ROBO1: variants seen among roughly 807,000 people sequenced by gnomAD.
ROBO1 encodes roundabout homolog 1.
ROBO1 carries 149 observed loss-of-function variants against 195.9 expected under a neutral mutation model. The observed-to-expected ratio is 0.76, with a 90% CI of 0.67 to 0.87. The LOEUF (loss-of-function observed/expected upper bound fraction) is 0.87. ROBO1 is among the 40% of genes least tolerant of loss of function. The pLI is 0.00. For synonymous variants in ROBO1, 816 were observed against 733.2 expected, an observed-to-expected ratio of 1.11 and a Z score of -1.82; for missense variants, 1,933 against 2,068.3, an observed-to-expected ratio of 0.93 and a Z score of 1.27.
intron 3 of ROBO1, among the ~76,000 whole-genome samples, chr3:79,080,836 A>T (rs949717819): frequency 5.9e-5 from 9 of 152,188 alleles, no homozygotes; most frequent in African/African-American, 1.4e-4. Flanking sequence ...TGTTTATTTA[A>T]ATATTCAACT....
At chr3:79,223,312 C>T (rs1212374169) in intron 2 of ROBO1, among the ~76,000 whole-genome samples, 2 of 152,068 alleles carry the variant, frequency 1.3e-5, no homozygotes, top group Non-Finnish European at 2.9e-5. Flanking sequence ...TCTACGTTCC[C>T]CTCTTTTTCT....
At chr3:78,866,456 T>C (rs2035186250) in intron 4 of ROBO1, among the ~76,000 whole-genome samples, 1 of 152,132 alleles carries the variant, frequency 6.6e-6, no homozygotes, top group African/African-American at 2.4e-5. Flanking sequence ...TTGCCTCTAT[T>C]TGCCAAATTT....
chr3:79,044,975 G>T (rs1389491641), intron 3 of ROBO1, among the ~76,000 whole-genome samples: 1 of 151,764 alleles, frequency 6.6e-6, no homozygotes, highest in Non-Finnish European at 1.5e-5. Context: ...TTGCACCCCT[G>T]GCTGAAACAT....
At chr3:78,841,704 T>G (rs531883220) in intron 4 of ROBO1, among the ~76,000 whole-genome samples, 53 of 152,130 alleles carry the variant, frequency 3.5e-4, no homozygotes, top group Admixed American at 1.4e-3. Flanking sequence ...AAAAGATAAA[T>G]GAGAAACAGA....
intron 2 of ROBO1, among the ~76,000 whole-genome samples, chr3:79,242,990 C>G (rs866663002): frequency 2.4e-5 from 3 of 127,550 alleles, no homozygotes; most frequent in South Asian, 2.9e-4. Flanking sequence ...CCCTCCCCCC[C>G]ACCCCACAAC....
At chr3:78,999,884 A>G (rs1487293246) in intron 3 of ROBO1, among the ~76,000 whole-genome samples, 2 of 152,094 alleles carry the variant, frequency 1.3e-5, no homozygotes, top group Admixed American at 6.6e-5. Flanking sequence ...AAACACATAG[A>G]ATATTCATTA....
At position 78,656,969 on chromosome 3, in the gene ROBO1, G is replaced by A. The variant is rs1334184371; in HGVS notation, c.2614+129C>T. 4 of 809,570 alleles carry A rather than the reference G, an allele frequency of 4.9e-6. No homozygotes were observed. In the African/African-American group the frequency reaches 7.0e-5, roughly 14 times the overall value. The allele number at this position is 809,570 out of a possible 1,614,324, so 50.1% of individuals were successfully genotyped here. A position where few individuals can be genotyped will look rare whatever the true frequency, so the allele number is the denominator to read the frequency against. Reference sequence around the variant, plus strand: ...TATTAAGTAAAGCTAACACCTTTTTGTAGCTCTAAGCCATATTCCATATTC... The same window carrying A: ...TATTAAGTAAAGCTAACACCTTTTTATAGCTCTAAGCCATATTCCATATTC... On this transcript the variant is annotated intron_variant, in intron 18 of 30. Coordinates refer to ENST00000464233, the MANE Select transcript of ROBO1 (RefSeq NM_002941.4).
intron 2 of ROBO1, among the ~76,000 whole-genome samples, chr3:79,328,606 A>G (rs1017218377): frequency 2.6e-5 from 4 of 152,154 alleles, no homozygotes; most frequent in African/African-American, 9.7e-5. Flanking sequence ...CATGATTTTA[A>G]AAACATATCA....
chr3:78,704,392 T>C (rs2081496778), intron 8 of ROBO1, among the ~76,000 whole-genome samples: 1 of 152,046 alleles, frequency 6.6e-6, no homozygotes. Context: ...GACAGAAAGT[T>C]AAACATAGTG....
intron 4 of ROBO1, among the ~76,000 whole-genome samples, chr3:78,916,012 G>A (rs1488474977): frequency 6.6e-6 from 1 of 152,080 alleles, no homozygotes; most frequent in African/African-American, 2.4e-5. Flanking sequence ...AGCACTTTGG[G>A]AGGCCGAGGT....
rs574465347 is a variant in ROBO1, at chr3:79,107,494, T to A, written c.172+17962A>T. On this transcript the variant is annotated intron_variant, in intron 3 of 30. Transcript: ENST00000464233. ...TTTCATTTAAAAATAAAATCCTAGT[T>A]ACTTTTACAATCTTGATGAAATTTT... Among the ~76,000 whole-genome samples, 8 of 151,890 alleles carry A rather than the reference T, an allele frequency of 5.3e-5. No individual in the cohort carries two copies. In the South Asian group the frequency reaches 1.2e-3, roughly 24 times the overall value.
At chr3:79,515,003 C>A (rs1436318843) in intron 2 of ROBO1, among the ~76,000 whole-genome samples, 1 of 148,832 alleles carries the variant, frequency 6.7e-6, no homozygotes, top group Admixed American at 6.7e-5. Flanking sequence ...TGATTGGACA[C>A]AATTATACTA....
At chr3:79,470,382 A>G (rs1218186486) in intron 2 of ROBO1, among the ~76,000 whole-genome samples, 19 of 152,128 alleles carry the variant, frequency 1.2e-4, no homozygotes, top group Admixed American at 1.2e-3. Flanking sequence ...GACACAGGAA[A>G]GGGAACATCA....
rs34267931 is a variant in ROBO1, at chr3:79,023,671, A to ATTT, written c.173-84747_173-84745dup. Among the ~76,000 whole-genome samples the ATTT allele has an allele frequency of 9.8e-4, 112 of 114,816 alleles. 1 individual carries two copies. In the East Asian group the frequency reaches 0.011, roughly 11 times the overall value. 75.3% of individuals were successfully genotyped at this position (114,816 alleles called of 152,430 possible). A position where few individuals can be genotyped will look rare whatever the true frequency, so the allele number is the denominator to read the frequency against. On this transcript the variant is annotated intron_variant, in intron 3 of 30. Transcript: ENST00000464233. ...ACTTCAGGCACTGTAAATAGGGCCAATTTTTTTTTTTTTTTTGAGACAGAG... is the reference window on the plus strand; with the variant it reads ...ACTTCAGGCACTGTAAATAGGGCCAATTTTTTTTTTTTTTTTTTTGAGACAGAG...
In ROBO1 at chr3:78,597,441, T is replaced by C. The variant is rs1054988672; in HGVS notation, c.*1472A>G. 3.9e-5 allele frequency: 6 copies of C among 152,606 alleles called. No individual in the cohort carries two copies. 9.5% of individuals were successfully genotyped at this position (152,606 alleles called of 1,614,324 possible). On this transcript the variant is annotated 3_prime_UTR_variant, in exon 31 of 31. Transcript: ENST00000464233. ...ATTATCTAAATGAACAAGTTTGGTT[T>C]TGGTGAACACCAGCCTTTTTTTTTG...
intron 1 of ROBO1, among the ~76,000 whole-genome samples, chr3:79,654,481 T>C (rs1027974097): frequency 6.6e-6 from 1 of 151,948 alleles, no homozygotes. Flanking sequence ...TAAAATGAAA[T>C]GATTATTTCT....
chr3:78,783,509 A>G (rs2083743522), intron 4 of ROBO1, among the ~76,000 whole-genome samples: 1 of 152,186 alleles, frequency 6.6e-6, no homozygotes, highest in Non-Finnish European at 1.5e-5. Context: ...TATTATCACA[A>G]TAGTGATGCT....
chr3:79,063,958 T>C (rs1220139435), intron 3 of ROBO1, among the ~76,000 whole-genome samples: 1 of 151,674 alleles, frequency 6.6e-6, no homozygotes, highest in Non-Finnish European at 1.5e-5. Context: ...GCTGGTGGGA[T>C]GGAGAGAGGT....
At position 79,338,972 on chromosome 3, in the gene ROBO1, G is replaced by A. The variant is rs149716862; in HGVS notation, c.89-213433C>T. Among the ~76,000 whole-genome samples the A allele has an allele frequency of 6.0e-4, 91 of 152,242 alleles. 1 individual carries two copies. In the East Asian group the frequency reaches 0.016, roughly 27 times the overall value. ...GCCTTTCTCTTTTCAATTAATGGCA[G>A]CTCCACTCTTTATGTTTGAAATCAA... On this transcript the variant is annotated intron_variant, in intron 2 of 30. Transcript: ENST00000464233.
Sources: allele counts gnomAD v4.1 joint callset (sites outside exome capture counted in the v4.1 genomes callset), GRCh38; gene constraint gnomAD v4.1.1; transcripts MANE v1.5; gene names NCBI Gene and HGNC (gene_info 2026-07-23, HGNC 2026-07-21).